PLXDC2: variants seen among roughly 807,000 people sequenced by gnomAD.
PLXDC2 encodes plexin domain containing 2.
Under a neutral mutation model 68.9 loss-of-function variants are expected in PLXDC2, and 40 were observed. The ratio of observed to expected loss-of-function variants is 0.58; its 90% CI spans 0.45 to 0.76. The LOEUF is 0.76. Among genes scored for constraint, PLXDC2 ranks in the 30% least tolerant of loss-of-function variants. PLXDC2 has a pLI of 0.00. For missense variants in PLXDC2, 644 were observed against 661.9 expected (o/e 0.97, Z 0.30); for synonymous variants, 243 against 234.2 (o/e 1.04, Z -0.34).
In PLXDC2 at chr10:20,024,411, T is replaced by C. The variant is rs766846490; in HGVS notation, c.324+22425T>C. ...ATGTGCTATTTGTTCATGCCTGTTC[T>C]TACTCATCTGATTCCAAGGAATATT... On this transcript the variant is annotated intron_variant, in intron 2 of 13. Coordinates refer to ENST00000377252, the MANE Select transcript of PLXDC2 (RefSeq NM_032812.9). Among the ~76,000 whole-genome samples, 142 of 152,202 alleles carry C rather than the reference T, an allele frequency of 9.3e-4. 1 individual carries two copies. The highest frequency in any genetic ancestry group is 3.2e-3 in the African/African-American group (132 of 41,460).
chr10:19,897,102 A>G (rs1161502755), intron 1 of PLXDC2, among the ~76,000 whole-genome samples: 1 of 152,044 alleles, frequency 6.6e-6, no homozygotes, highest in Non-Finnish European at 1.5e-5. Context: ...CTCTTTTCTT[A>G]TCAGCAAAGC....
At chr10:20,036,367 C>T (rs372410379) in intron 2 of PLXDC2, among the ~76,000 whole-genome samples, 5 of 152,152 alleles carry the variant, frequency 3.3e-5, no homozygotes, top group African/African-American at 1.2e-4. Context: ...CTTTACAAGC[C>T]AGGAGGAGAG....
intron 13 of PLXDC2, among the ~76,000 whole-genome samples, chr10:20,255,163 A>G (rs1835725725): frequency 6.7e-6 from 1 of 149,888 alleles, no homozygotes; most frequent in Admixed American, 6.7e-5. Flanking sequence ...ATAGATGGAT[A>G]GATGGATGGA....
intron 9 of PLXDC2, among the ~76,000 whole-genome samples, chr10:20,182,909 A>G (rs1439248554): frequency 6.6e-6 from 1 of 151,888 alleles, no homozygotes; most frequent in Non-Finnish European, 1.5e-5. Context: ...GTGTGTTCTC[A>G]TTGTTCAACT....
intron 2 of PLXDC2, among the ~76,000 whole-genome samples, chr10:20,031,413 G>T (rs892196183): frequency 6.6e-6 from 1 of 151,982 alleles, no homozygotes; most frequent in African/African-American, 2.4e-5. Flanking sequence ...CAGCAAGGAA[G>T]ATGTAGCAGC....
intron 2 of PLXDC2, among the ~76,000 whole-genome samples, chr10:20,007,160 A>G (rs539536457): frequency 6.6e-6 from 1 of 152,256 alleles, no homozygotes; most frequent in South Asian, 2.1e-4. Context: ...CAACTCAGGG[A>G]CATATGTGTA....
At chr10:20,186,138 T>C (rs1490327126) in intron 9 of PLXDC2, among the ~76,000 whole-genome samples, 1 of 151,982 alleles carries the variant, frequency 6.6e-6, no homozygotes, top group Non-Finnish European at 1.5e-5. Context: ...TCCATTTTTG[T>C]CTTTGCTAAA....
chr10:20,174,127 G>C (rs527739798), intron 7 of PLXDC2, among the ~76,000 whole-genome samples: 5 of 137,220 alleles, frequency 3.6e-5, no homozygotes, highest in African/African-American at 1.4e-4. Flanking sequence ...CAAGTAATAT[G>C]ACAGGTACTG....
chr10:20,238,182 A>T (rs1008632774), intron 12 of PLXDC2, among the ~76,000 whole-genome samples: 5 of 149,464 alleles, frequency 3.3e-5, no homozygotes, highest in African/African-American at 1.2e-4. Context: ...ATATACAAAT[A>T]TATATATAGC....
chr10:19,904,855 T>G (rs1014239597), intron 1 of PLXDC2, among the ~76,000 whole-genome samples: 19 of 152,218 alleles, frequency 1.2e-4, no homozygotes, highest in African/African-American at 4.3e-4. Context: ...GTAAGAATCC[T>G]AAATTTGAGA....
intron 1 of PLXDC2, among the ~76,000 whole-genome samples, chr10:19,946,984 G>A (rs1005568186): frequency 1.1e-4 from 16 of 152,120 alleles, no homozygotes; most frequent in African/African-American, 3.4e-4. Context: ...TACTTGTCGG[G>A]TCCATGGCCC....
chr10:20,193,789 G>A (rs535355388), intron 9 of PLXDC2, among the ~76,000 whole-genome samples: 1 of 151,898 alleles, frequency 6.6e-6, no homozygotes, highest in Non-Finnish European at 1.5e-5. Flanking sequence ...CTTAAAATTC[G>A]TTTTTTTGTG....
rs189031449 is a variant in PLXDC2 at position 20,280,328 on chromosome 10, C to G, written c.*509C>G. The stretch of plus-strand genomic sequence containing the variant: ...GCCCATGCAAGAGTGAGAACAAACA[C>G]AAAATAAGAGATTTTCTACATTTTC... On this transcript the variant is annotated 3_prime_UTR_variant, in exon 14 of 14. Transcript: ENST00000377252. 10 of 153,010 alleles carry G rather than the reference C, an allele frequency of 6.5e-5. No individual in the cohort carries two copies. Among genetic ancestry groups the G allele is most frequent in the Non-Finnish European group, 5.8e-5 (4 of 68,392 alleles). 9.5% of individuals were successfully genotyped at this position (153,010 alleles called of 1,614,324 possible).
chr10:20,131,748 T>A (rs1833871031), intron 4 of PLXDC2, among the ~76,000 whole-genome samples: 2 of 152,186 alleles, frequency 1.3e-5, no homozygotes. Flanking sequence ...TAAAAGTTAC[T>A]CTTTTGTTTA....
intron 4 of PLXDC2, among the ~76,000 whole-genome samples, chr10:20,132,991 C>T (rs1166553925): frequency 6.6e-6 from 1 of 152,038 alleles, no homozygotes; most frequent in East Asian, 1.9e-4. Flanking sequence ...TGTCTACCAT[C>T]AATTTTTCCT....
chr10:19,931,322 A>G (rs1197845947), intron 1 of PLXDC2, among the ~76,000 whole-genome samples: 1 of 152,128 alleles, frequency 6.6e-6, no homozygotes, highest in East Asian at 1.9e-4. Context: ...TGCTGTGTGG[A>G]GGCGCTGATC....
intron 1 of PLXDC2, among the ~76,000 whole-genome samples, chr10:19,883,351 T>C (rs1463908894): frequency 1.3e-5 from 2 of 152,238 alleles, no homozygotes; most frequent in Non-Finnish European, 1.5e-5. Context: ...TAGTTAGCTA[T>C]AAGGTAGCCT....
chr10:20,153,318 C>G (rs1358817100), intron 6 of PLXDC2, among the ~76,000 whole-genome samples: 1 of 152,164 alleles, frequency 6.6e-6, no homozygotes, highest in Non-Finnish European at 1.5e-5. Context: ...CTTAAACTCT[C>G]TGGGCTAAGT....
At chr10:20,117,928 G>A (rs904915898) in intron 4 of PLXDC2, among the ~76,000 whole-genome samples, 4 of 152,134 alleles carry the variant, frequency 2.6e-5, no homozygotes, top group African/African-American at 9.7e-5. Flanking sequence ...TAAGCTGGAT[G>A]CTTCCTGGAT....
Sources: allele counts gnomAD v4.1 joint callset (sites outside exome capture counted in the v4.1 genomes callset), GRCh38; gene constraint gnomAD v4.1.1; transcripts MANE v1.5; gene names NCBI Gene and HGNC (gene_info 2026-07-23, HGNC 2026-07-21).